MEF2D: variants seen among roughly 807,000 people sequenced by gnomAD.
MEF2D encodes the protein myocyte-specific enhancer factor 2D.
MEF2D carries 10 observed loss-of-function variants against 59.3 expected under a neutral mutation model. That is an observed-to-expected ratio of 0.17 (90% confidence interval 0.10 to 0.29). The LOEUF (loss-of-function observed/expected upper bound fraction) is 0.29, where lower values mean the gene tolerates loss of function less well. Among genes scored for constraint, MEF2D ranks in the 10% least tolerant of loss-of-function variants. The probability of loss-of-function intolerance (pLI) is 1.00; values close to 1 mark genes in which losing one functional copy is unlikely to be tolerated. For missense variants in MEF2D, 508 were observed against 699.4 expected, an observed-to-expected ratio of 0.73 and a Z score of 3.09; for synonymous variants, 305 against 295.0, an observed-to-expected ratio of 1.03 and a Z score of -0.35.
At chr1:156,498,775 G>A (rs760313954) in intron 1 of MEF2D, among the ~76,000 whole-genome samples, 2 of 152,154 alleles carry the variant, frequency 1.3e-5, no homozygotes, top group Non-Finnish European at 2.9e-5. Flanking sequence ...CTATGCTGGG[G>A]CAAGTGGGGA....
chr1:156,480,543 A>G (rs1671928482), intron 4 of MEF2D: 1 of 1,257,188 alleles, frequency 8.0e-7, no homozygotes, highest in Admixed American at 2.8e-5. Context: ...TAAGAACCCG[A>G]GCATGGCTCA....
At chr1:156,476,972 C>G in intron 7 of MEF2D, 40 bp downstream of exon 7, 1 of 1,610,668 alleles carries the variant, frequency 6.2e-7, no homozygotes, top group Non-Finnish European at 8.5e-7. Context: ...CCTACTCTTC[C>G]ATTCCCCAGC....
At chr1:156,482,968 G>C (rs1042865486) in intron 2 of MEF2D, among the ~76,000 whole-genome samples, 1 of 152,222 alleles carries the variant, frequency 6.6e-6, no homozygotes, top group Non-Finnish European at 1.5e-5. Context: ...AGGAGTGCCT[G>C]GGGGTATGAC....
At chr1:156,483,577 G>A in intron 1 of MEF2D, 147 bp from the exon 2 acceptor site, 2 of 551,828 alleles carry the variant, frequency 3.6e-6, no homozygotes, top group Non-Finnish European at 6.4e-6. Context: ...CTGTCTGCCT[G>A]AGGCAATGGT....
chr1:156,465,217 C>A lies in MEF2D; in HGVS notation c.*2428G>T, dbSNP rs555159406. The stretch of plus-strand genomic sequence containing the variant: ...GATCACTGCTCAGCTGAGGGAGAAG[C>A]TTCACGGAGGAAGAGGGACTTGAGT... On this transcript the variant is annotated 3_prime_UTR_variant, in exon 12 of 12. Coordinates refer to ENST00000348159, the MANE Select transcript of MEF2D (RefSeq NM_005920.4). 6.6e-6 allele frequency: 1 copy of A among 152,522 alleles called. No homozygotes were observed. The highest frequency in any genetic ancestry group is 2.1e-4 in the South Asian group (1 of 4,838). The allele number at this position is 152,522 out of a possible 1,614,324, so 9.4% of individuals were successfully genotyped here.
At chr1:156,494,697 T>C (rs935220588) in intron 1 of MEF2D, among the ~76,000 whole-genome samples, 6 of 152,242 alleles carry the variant, frequency 3.9e-5, no homozygotes, top group Non-Finnish European at 7.3e-5. Flanking sequence ...TCACACTTTT[T>C]CTGGCGGAAA....
At chr1:156,469,933 A>G (rs1479920898) in intron 9 of MEF2D, among the ~76,000 whole-genome samples, 5 of 152,210 alleles carry the variant, frequency 3.3e-5, no homozygotes, top group Non-Finnish European at 5.9e-5. Flanking sequence ...AAAAAAATAA[A>G]AAGATGGAAA....
chr1:156,488,151 G>A (rs1672494585), intron 1 of MEF2D, among the ~76,000 whole-genome samples: 1 of 152,258 alleles, frequency 6.6e-6, no homozygotes, highest in South Asian at 2.1e-4. Context: ...ACAAGGGTGG[G>A]GCGGAGTGAA....
At chr1:156,482,942 T>A (rs6666307) in intron 2 of MEF2D, among the ~76,000 whole-genome samples, 4,355 of 152,266 alleles carry the variant, frequency 0.029, 203 homozygotes, top group African/African-American at 0.099. Flanking sequence ...AGGGAGAGGA[T>A]TCCTGTTGGG....
intron 9 of MEF2D, among the ~76,000 whole-genome samples, chr1:156,474,024 C>T (rs532250378): frequency 3.9e-5 from 6 of 152,278 alleles, no homozygotes; most frequent in East Asian, 3.9e-4. Flanking sequence ...GAACTGACCA[C>T]GTCCCCCTCA....
intron 1 of MEF2D, among the ~76,000 whole-genome samples, chr1:156,497,978 A>C (rs1283036512): frequency 1.3e-5 from 2 of 151,806 alleles, no homozygotes; most frequent in Non-Finnish European, 2.9e-5. Context: ...CCTATCCCCA[A>C]GGCCTCCTCG....
At chr1:156,483,098 TC>T (rs1284155505) in intron 2 of MEF2D, 140 bp downstream of exon 2, 19 of 889,526 alleles carry the variant, frequency 2.1e-5, no homozygotes, top group Non-Finnish European at 3.1e-5. Flanking sequence ...GGGTTCCTCT[TC>T]TCCCAATCTC....
intron 1 of MEF2D, among the ~76,000 whole-genome samples, chr1:156,491,758 C>T (rs77199539): frequency 0.018 from 2,672 of 152,288 alleles, 46 homozygotes; most frequent in Admixed American, 0.03. Flanking sequence ...CCCAGCAGGC[C>T]GAGCTGCAAT....
Position 156,466,224 on chromosome 1 carries a change from C to G in MEF2D, c.*1421G>C, listed in dbSNP as rs1490448257. The G allele has an allele frequency of 6.6e-6, 1 of 152,418 alleles. No individual in the cohort carries two copies. The highest frequency in any genetic ancestry group is 1.5e-5 in the Non-Finnish European group (1 of 68,046). 9.4% of individuals were successfully genotyped at this position (152,418 alleles called of 1,614,324 possible). A position where few individuals can be genotyped will look rare whatever the true frequency, so the allele number is the denominator to read the frequency against. The stretch of plus-strand genomic sequence containing the variant: ...GCAGAAGAATCTCGTCTGTACAGTA[C>G]GGGCCGTTTGAGTCATTATTATTAC... On this transcript the variant is annotated 3_prime_UTR_variant, in exon 12 of 12. Coordinates refer to ENST00000348159, the MANE Select transcript of MEF2D (RefSeq NM_005920.4).
chr1:156,479,833 T>G (rs189017830), intron 4 of MEF2D, 37 bp from the exon 5 acceptor site: 2 of 1,544,462 alleles, frequency 1.3e-6, no homozygotes. Flanking sequence ...TCAGGCCAGG[T>G]TGACCCCTTC....
rs1671014861 is a variant in MEF2D at position 156,468,542 on chromosome 1, GC to G, written c.1247+237del. Among the ~76,000 whole-genome samples, 2 of 151,978 alleles carry G rather than the reference GC, an allele frequency of 1.3e-5. No individual in the cohort carries two copies. The highest frequency in any genetic ancestry group is 1.3e-4 in the Admixed American group (2 of 15,264). Reference sequence around the variant, plus strand: ...CCCATGTCATCTTCTGCAACACAGGGCCCCCCACCTCCCACCCCCTACCCTG... The same window carrying G: ...CCCATGTCATCTTCTGCAACACAGGGCCCCCACCTCCCACCCCCTACCCTG... On this transcript the variant is annotated intron_variant, in intron 10 of 11. Coordinates refer to ENST00000348159, the MANE Select transcript of MEF2D (RefSeq NM_005920.4). The surrounding 1 kb of genome is among the most constrained non-coding windows in gnomAD (Gnocchi z 4.3).
chr1:156,474,971 A>C, intron 9 of MEF2D, 137 bp downstream of exon 9: 2 of 1,251,998 alleles, frequency 1.6e-6, no homozygotes, highest in East Asian at 2.5e-5. Flanking sequence ...CCTGTTAACC[A>C]TAAGTAGGTG....
At chr1:156,497,365 T>C (rs981973847) in intron 1 of MEF2D, among the ~76,000 whole-genome samples, 5 of 152,242 alleles carry the variant, frequency 3.3e-5, no homozygotes, top group African/African-American at 7.2e-5. Flanking sequence ...AAAGAGATAG[T>C]TGCCTCAAAC....
chr1:156,467,972 G>A (rs772152128), intron 11 of MEF2D, 21 bp downstream of exon 11: 1 of 1,598,562 alleles, frequency 6.3e-7, no homozygotes, highest in East Asian at 2.2e-5. Context: ...CTGGCAGACA[G>A]GAGAGGTGAT....
Sources: allele counts gnomAD v4.1 joint callset (sites outside exome capture counted in the v4.1 genomes callset), GRCh38; gene constraint gnomAD v4.1.1; non-coding constraint Gnocchi (gnomAD v3.1); transcripts MANE v1.5; gene names NCBI Gene and HGNC (gene_info 2026-07-23, HGNC 2026-07-21).